The following NRCAM variants were observed in gnomAD, a reference collection of about 807,000 sequenced individuals.
NRCAM encodes NgCAM-related cell adhesion molecule.
Under a neutral mutation model 156.5 loss-of-function variants are expected in NRCAM, and 83 were observed. The ratio of observed to expected loss-of-function variants is 0.53; its 90% CI spans 0.44 to 0.64. NRCAM has a LOEUF of 0.64. NRCAM is among the 30% of genes least tolerant of loss of function. The probability of loss-of-function intolerance (pLI) is 0.00; values close to 1 mark genes in which losing one functional copy is unlikely to be tolerated. For synonymous variants in NRCAM, 538 were observed against 563.9 expected, an observed-to-expected ratio of 0.95 and a Z score of 0.65; for missense variants, 1,417 against 1,597.3, an observed-to-expected ratio of 0.89 and a Z score of 1.92.
At chr7:108,348,637 G>A (rs1400913488) in intron 2 of NRCAM, among the ~76,000 whole-genome samples, 5 of 152,268 alleles carry the variant, frequency 3.3e-5, no homozygotes, top group Non-Finnish European at 4.4e-5. Flanking sequence ...ATTGGGGCCG[G>A]GCGTAGCAGC....
intron 1 of NRCAM, among the ~76,000 whole-genome samples, chr7:108,450,128 TG>T (rs1398942871): frequency 1.3e-5 from 2 of 152,144 alleles, no homozygotes; most frequent in Non-Finnish European, 2.9e-5. Context: ...CAGGGCAATA[TG>T]GAAGAAATTC....
At chr7:108,292,340 A>G (rs1296588301) in intron 3 of NRCAM, among the ~76,000 whole-genome samples, 2 of 152,144 alleles carry the variant, frequency 1.3e-5, no homozygotes, top group Admixed American at 6.6e-5. Context: ...TATGTAGCAC[A>G]TTTCTTTACT....
At chr7:108,192,648 G>T (rs2072698158) in intron 17 of NRCAM, among the ~76,000 whole-genome samples, 1 of 152,012 alleles carries the variant, frequency 6.6e-6, no homozygotes, top group Non-Finnish European at 1.5e-5. Flanking sequence ...CTTTACTAAG[G>T]CTTTTGCTGC....
chr7:108,435,594 G>A (rs1434323184), intron 1 of NRCAM, among the ~76,000 whole-genome samples: 1 of 152,178 alleles, frequency 6.6e-6, no homozygotes, highest in Non-Finnish European at 1.5e-5. Flanking sequence ...CAGACACTGG[G>A]TCCTGGCTGA....
rs113658118 is a variant in NRCAM, at chr7:108,254,025, A to G, written c.-106-13855T>C. On this transcript the variant is annotated intron_variant, in intron 3 of 32. Coordinates refer to ENST00000379028, the MANE Select transcript of NRCAM (RefSeq NM_001037132.4). ...ATTGTTAATTATTGTTCTAAAGAAT[A>G]AAAGTCAATAGTTTTTCAATCCTTG... Among the ~76,000 whole-genome samples the G allele has an allele frequency of 7.6e-3, 1,152 of 152,360 alleles. 21 individuals are homozygous for G. Among genetic ancestry groups the G allele is most frequent in the African/African-American group, 0.026 (1,092 of 41,592 alleles).
At chr7:108,187,186 C>A (rs1376929678) in intron 20 of NRCAM, among the ~76,000 whole-genome samples, 1 of 152,180 alleles carries the variant, frequency 6.6e-6, no homozygotes, top group East Asian at 1.9e-4. Context: ...GTTATTCATT[C>A]ATCACTCCTC....
At chr7:108,206,429 T>C (rs903244872) in intron 13 of NRCAM, among the ~76,000 whole-genome samples, 1 of 152,184 alleles carries the variant, frequency 6.6e-6, no homozygotes, top group Middle Eastern at 3.2e-3. Flanking sequence ...GCTATCTTTA[T>C]TGTGAGTAAA....
intron 3 of NRCAM, among the ~76,000 whole-genome samples, chr7:108,307,905 C>A (rs546816684): frequency 6.6e-6 from 1 of 152,136 alleles, no homozygotes; most frequent in Non-Finnish European, 1.5e-5. Flanking sequence ...ATAAAATACC[C>A]GCAGAACCTA....
chr7:108,231,160 A>T lies in NRCAM; in HGVS notation c.428-7T>A, dbSNP rs1441992874. 5 of 1,564,522 alleles carry T rather than the reference A, an allele frequency of 3.2e-6. No individual in the cohort carries two copies. The African/African-American group carries it at 7.0e-5, about 22-fold the overall frequency. ...TTGGTCCACAATGGTGATCCTATTA[A>T]ATAAAAAAATAACTTCTCAGTTATT... On this transcript the variant is annotated splice_region_variant and splice_polypyrimidine_tract_variant and intron_variant, in intron 7 of 32. Transcript: ENST00000379028.
chr7:108,378,614 A>T (rs2099686277), intron 2 of NRCAM, among the ~76,000 whole-genome samples: 2 of 150,054 alleles, frequency 1.3e-5, no homozygotes, highest in East Asian at 3.9e-4. Context: ...CAGGAAACAA[A>T]ACAAATAAGC....
chr7:108,190,486 T>C (rs1325939365), intron 19 of NRCAM, among the ~76,000 whole-genome samples: 1 of 152,202 alleles, frequency 6.6e-6, no homozygotes, highest in Non-Finnish European at 1.5e-5. Flanking sequence ...TGCTTTTTTT[T>C]CTTATCAGTC....
chr7:108,226,888 A>C (rs1239178960), intron 8 of NRCAM, among the ~76,000 whole-genome samples: 1 of 152,184 alleles, frequency 6.6e-6, no homozygotes, highest in Non-Finnish European at 1.5e-5. Context: ...GCCCTGTCTG[A>C]GCTCATCATC....
At chr7:108,296,992 A>G (rs916882958) in intron 3 of NRCAM, among the ~76,000 whole-genome samples, 5 of 152,202 alleles carry the variant, frequency 3.3e-5, no homozygotes, top group Non-Finnish European at 7.3e-5. Context: ...TTCTTTGAGA[A>G]CAAGCATTTT....
intron 3 of NRCAM, among the ~76,000 whole-genome samples, chr7:108,299,674 G>A (rs907807493): frequency 6.6e-6 from 1 of 152,152 alleles, no homozygotes; most frequent in Admixed American, 6.5e-5. Flanking sequence ...GATGTGAACG[G>A]GCAGCCGGGT....
At chr7:108,398,999 A>G (rs1170887193) in intron 2 of NRCAM, among the ~76,000 whole-genome samples, 1 of 152,236 alleles carries the variant, frequency 6.6e-6, no homozygotes, top group Non-Finnish European at 1.5e-5. Context: ...TACTTATGCA[A>G]ATAATACCTC....
chr7:108,233,904 G>A (rs2094604619), intron 6 of NRCAM, among the ~76,000 whole-genome samples: 1 of 152,100 alleles, frequency 6.6e-6, no homozygotes. Context: ...GCATTACCAG[G>A]CATCAGTTTC....
intron 26 of NRCAM, among the ~76,000 whole-genome samples, chr7:108,177,350 G>A (rs562501848): frequency 2.9e-3 from 439 of 152,250 alleles, no homozygotes; most frequent in Non-Finnish European, 5.1e-3. Context: ...AAGGCTGGGC[G>A]CAGTGGCTCA....
intron 1 of NRCAM, among the ~76,000 whole-genome samples, chr7:108,405,194 G>A (rs1005263478): frequency 2.0e-5 from 3 of 152,202 alleles, no homozygotes; most frequent in African/African-American, 7.2e-5. Context: ...TTACATTTGT[G>A]GTTTGTGATT....
Position 108,213,705 on chromosome 7 carries a change from G to A in NRCAM, c.891-4100C>T, listed in dbSNP as rs544553028. ...TTATATAATGGTAAAAGGCCTTGTC[G>A]AACAGGAAAATATCACAATCCTAAA... On this transcript the variant is annotated intron_variant, in intron 11 of 32. Transcript: ENST00000379028. 2.6e-4 allele frequency among the ~76,000 whole-genome samples: 39 copies of A among 152,226 alleles called. No individual in the cohort carries two copies. In the South Asian group the frequency reaches 5.6e-3, roughly 22 times the overall value.
Sources: allele counts gnomAD v4.1 joint callset (sites outside exome capture counted in the v4.1 genomes callset), GRCh38; gene constraint gnomAD v4.1.1; transcripts MANE v1.5; gene names NCBI Gene and HGNC (gene_info 2026-07-23, HGNC 2026-07-21).